The following NRXN3 variants were observed in gnomAD, a reference collection of about 807,000 sequenced individuals.
The protein encoded by NRXN3 is neurexin III.
Under a neutral mutation model 137.6 loss-of-function variants are expected in NRXN3, and 32 were observed. The observed-to-expected ratio is 0.23, with a 90% CI of 0.18 to 0.31. The LOEUF (loss-of-function observed/expected upper bound fraction) is 0.31. Among genes scored for constraint, NRXN3 ranks in the 10% least tolerant of loss-of-function variants. NRXN3 has a pLI of 1.00. For missense variants in NRXN3, 1,574 were observed against 2,062.5 expected (o/e 0.76, Z 4.59); for synonymous variants, 798 against 784.5 (o/e 1.02, Z -0.29).
intron 16 of NRXN3, among the ~76,000 whole-genome samples, chr14:79,562,259 A>G (rs2097504872): frequency 6.6e-6 from 1 of 152,166 alleles, no homozygotes; most frequent in Non-Finnish European, 1.5e-5. Flanking sequence ...ACCAGATCCA[A>G]TGCTATAATG....
chr14:78,946,391 C>T (rs1335729174), intron 10 of NRXN3, among the ~76,000 whole-genome samples: 1 of 152,108 alleles, frequency 6.6e-6, no homozygotes, highest in Admixed American at 6.5e-5. Flanking sequence ...TGCCCACCAG[C>T]AGGGTATCTA....
chr14:79,799,811 C>T (rs937927626), intron 19 of NRXN3, among the ~76,000 whole-genome samples: 6 of 152,136 alleles, frequency 3.9e-5, no homozygotes, highest in East Asian at 1.9e-4. Context: ...TCAGAGCATT[C>T]GGTTTACTAC....
At chr14:78,993,827 C>A (rs772381594) in intron 15 of NRXN3, among the ~76,000 whole-genome samples, 312 of 140,356 alleles carry the variant, frequency 2.2e-3, no homozygotes, top group Non-Finnish European at 3.2e-3. Context: ...TGAAGATGAG[C>A]CTTGAAATTT....
chr14:79,388,471 T>C (rs892394472), intron 15 of NRXN3, among the ~76,000 whole-genome samples: 1 of 152,112 alleles, frequency 6.6e-6, no homozygotes, highest in African/African-American at 2.4e-5. Flanking sequence ...CAGGCCCTTA[T>C]GGGACTCCTT....
At chr14:78,621,559 C>T (rs1051224846) in intron 4 of NRXN3, among the ~76,000 whole-genome samples, 4 of 152,060 alleles carry the variant, frequency 2.6e-5, no homozygotes, top group African/African-American at 9.7e-5. Flanking sequence ...TTTTCTTTAC[C>T]TTATGTTCTT....
At chr14:78,669,613 A>G (rs746244379) in intron 6 of NRXN3, among the ~76,000 whole-genome samples, 14 of 152,068 alleles carry the variant, frequency 9.2e-5, no homozygotes, top group Non-Finnish European at 1.8e-4. Context: ...TTTAGTTCAC[A>G]CCCATAGTGA....
At chr14:78,287,981 TC>T (rs1210356124) in intron 3 of NRXN3, among the ~76,000 whole-genome samples, 65 of 151,586 alleles carry the variant, frequency 4.3e-4, no homozygotes, top group Non-Finnish European at 3.5e-4. Context: ...GTCTCAGGAC[TC>T]CCCCTTTTTT....
chr14:78,580,530 C>T (rs941672871), intron 4 of NRXN3, among the ~76,000 whole-genome samples: 13 of 152,146 alleles, frequency 8.5e-5, no homozygotes, highest in Admixed American at 5.9e-4. Flanking sequence ...CCTTTCCCTC[C>T]CTCTCTCCAT....
At chr14:78,780,165 A>G (rs2098763793) in intron 8 of NRXN3, among the ~76,000 whole-genome samples, 1 of 152,254 alleles carries the variant, frequency 6.6e-6, no homozygotes, top group Admixed American at 6.5e-5. Context: ...TACAGTATGG[A>G]AAATTGATCC....
intron 19 of NRXN3, among the ~76,000 whole-genome samples, chr14:79,749,922 A>G (rs1285120490): frequency 6.6e-6 from 1 of 152,188 alleles, no homozygotes; most frequent in South Asian, 2.1e-4. Flanking sequence ...ATGAATAACT[A>G]TGGTTTGGGA....
At chr14:78,909,677 AC>A (rs1221209087) in intron 10 of NRXN3, among the ~76,000 whole-genome samples, 1 of 152,174 alleles carries the variant, frequency 6.6e-6, no homozygotes, top group Non-Finnish European at 1.5e-5. Flanking sequence ...AGAAGAGATT[AC>A]ATTGATATGG....
chr14:78,805,509 T>G (rs2153085406), intron 9 of NRXN3, among the ~76,000 whole-genome samples: 1 of 151,308 alleles, frequency 6.6e-6, no homozygotes, highest in East Asian at 2.0e-4. Flanking sequence ...CTTCCATCCC[T>G]GCACCATCCT....
In NRXN3 at chr14:78,442,073, G is replaced by A. The variant is rs538323921; in HGVS notation, c.757+144213G>A. On this transcript the variant is annotated intron_variant, in intron 4 of 20. Transcript: ENST00000335750. ...ATCTTGCCACTGCACTCCATCCTGC[G>A]TGACAGAGCGAGACTCTGTCTCAAA... 8.0e-5 allele frequency among the ~76,000 whole-genome samples: 12 copies of A among 149,320 alleles called. No individual in the cohort carries two copies. The South Asian group carries it at 8.7e-4, about 11-fold the overall frequency.
At chr14:79,795,134 A>T (rs568508467) in intron 19 of NRXN3, among the ~76,000 whole-genome samples, 24 of 152,314 alleles carry the variant, frequency 1.6e-4, no homozygotes, top group African/African-American at 5.5e-4. Context: ...ATGAACTGGA[A>T]CGGGGAAAAT....
At chr14:78,463,206 CAT>C (rs951532279) in intron 4 of NRXN3, among the ~76,000 whole-genome samples, 17 of 152,104 alleles carry the variant, frequency 1.1e-4, no homozygotes, top group East Asian at 1.9e-4. Context: ...AGTAATATTT[CAT>C]AGTGTGTGTA....
chr14:79,652,446 G>A (rs2098481453), intron 16 of NRXN3, among the ~76,000 whole-genome samples: 2 of 152,114 alleles, frequency 1.3e-5, no homozygotes, highest in African/African-American at 4.8e-5. Flanking sequence ...AGGGCTTACA[G>A]TGCCTGCCAT....
intron 19 of NRXN3, among the ~76,000 whole-genome samples, chr14:79,735,210 G>A (rs923477518): frequency 1.3e-4 from 20 of 152,026 alleles, no homozygotes; most frequent in African/African-American, 4.6e-4. Context: ...CAGGACCTTG[G>A]GCTTAAAGGC....
chr14:79,336,188 A>G (rs1360632056), intron 15 of NRXN3, among the ~76,000 whole-genome samples: 1 of 152,130 alleles, frequency 6.6e-6, no homozygotes, highest in Non-Finnish European at 1.5e-5. Context: ...ATTAATAGCT[A>G]TTTTAGGCTG....
At chr14:78,517,849 C>G (rs1397905081) in intron 4 of NRXN3, among the ~76,000 whole-genome samples, 1 of 152,182 alleles carries the variant, frequency 6.6e-6, no homozygotes, top group Non-Finnish European at 1.5e-5. Flanking sequence ...ATATGATGTT[C>G]ACTGTCAGTT....
Sources: allele counts gnomAD v4.1 joint callset (sites outside exome capture counted in the v4.1 genomes callset), GRCh38; gene constraint gnomAD v4.1.1; transcripts MANE v1.5; gene names NCBI Gene and HGNC (gene_info 2026-07-23, HGNC 2026-07-21).